PYGL: variants seen among roughly 807,000 people sequenced by gnomAD.
The protein encoded by PYGL is glycogen phosphorylase, liver form.
Under a neutral mutation model 100.1 loss-of-function variants are expected in PYGL, and 90 were observed. That is an observed-to-expected ratio of 0.90 (90% CI 0.76 to 1.07). PYGL has a LOEUF of 1.07. PYGL is among the 50% of genes least tolerant of loss of function. The pLI, the probability that PYGL is intolerant of heterozygous loss-of-function variation, is 0.00. For synonymous variants in PYGL, 373 were observed against 393.0 expected, an observed-to-expected ratio of 0.95 and a Z score of 0.60; for missense variants, 1,016 against 1,057.6, an observed-to-expected ratio of 0.96 and a Z score of 0.55.
At chr14:50,911,666 T>G in intron 16 of PYGL, 64 bp downstream of exon 16, 1 of 1,597,806 alleles carries the variant, frequency 6.3e-7, no homozygotes, top group Non-Finnish European at 8.6e-7. Context: ...CTGCCCCATC[T>G]TTCATACCAT....
rs974016307 is a variant in PYGL, at chr14:50,931,734, T to C, written c.467A>G (p.Tyr156Cys). Residue 156 changes from tyrosine to cysteine, a missense_variant, in exon 4 of 20, where the codon TAT (tyrosine) becomes TGT (cysteine). Coordinates refer to ENST00000216392, the MANE Select transcript of PYGL (RefSeq NM_002863.5). ...DSMATLGLAA[Y>C]GYGIRYEYGI... is the part of the protein sequence containing the mutation. ...ATATTCATACCGAATGCCGTATCCATAGGCTGCAAGTCCCAGGGTTGCCAT... is the reference window on the plus strand; with the variant it reads ...ATATTCATACCGAATGCCGTATCCACAGGCTGCAAGTCCCAGGGTTGCCAT... 1.2e-6 allele frequency: 2 copies of C among 1,614,008 alleles called. No homozygotes were observed. Among genetic ancestry groups the C allele is most frequent in the Non-Finnish European group, 1.7e-6 (2 of 1,179,930 alleles).
chr14:50,906,029 T>C (rs1396416338), intron 19 of PYGL, among the ~76,000 whole-genome samples: 1 of 152,236 alleles, frequency 6.6e-6, no homozygotes, highest in East Asian at 1.9e-4. Flanking sequence ...TGAGAGGCTT[T>C]ATTGACCTAC....
At chr14:50,929,871 T>C (rs972326298) in intron 4 of PYGL, among the ~76,000 whole-genome samples, 2 of 152,226 alleles carry the variant, frequency 1.3e-5, no homozygotes, top group East Asian at 3.8e-4. Flanking sequence ...CTAAAACATG[T>C]AGAAGAGTAA....
intron 4 of PYGL, among the ~76,000 whole-genome samples, chr14:50,928,294 G>A (rs2050572092): frequency 6.6e-6 from 1 of 152,284 alleles, no homozygotes; most frequent in East Asian, 1.9e-4. Flanking sequence ...CATGAACTTG[G>A]CTTTCTGATG....
chr14:50,936,592 T>C (rs1490093114), intron 2 of PYGL, among the ~76,000 whole-genome samples: 2 of 152,198 alleles, frequency 1.3e-5, no homozygotes, highest in East Asian at 3.8e-4. Context: ...GTGGATCACC[T>C]GAGGTCAGGA....
intron 11 of PYGL, 67 bp from the exon 12 acceptor site, chr14:50,914,882 A>G: frequency 8.2e-7 from 1 of 1,218,022 alleles, no homozygotes; most frequent in South Asian, 1.2e-5. Flanking sequence ...CACTGGACAA[A>G]GTTCGGAGTT....
intron 15 of PYGL, 49 bp downstream of exon 15, chr14:50,911,929 T>C (rs1395813327): frequency 1.2e-6 from 2 of 1,613,300 alleles, no homozygotes; most frequent in African/African-American, 1.3e-5. Flanking sequence ...AGTAGAAGAA[T>C]GGCAAGAGAT....
At chr14:50,907,322 C>T (rs2050345538) in intron 19 of PYGL, among the ~76,000 whole-genome samples, 1 of 152,044 alleles carries the variant, frequency 6.6e-6, no homozygotes, top group African/African-American at 2.4e-5. Flanking sequence ...ATGAGAAGTC[C>T]AGAAGAGGTA....
intron 4 of PYGL, among the ~76,000 whole-genome samples, chr14:50,929,537 G>A (rs1399312753): frequency 6.6e-6 from 1 of 152,072 alleles, no homozygotes; most frequent in African/African-American, 2.4e-5. Flanking sequence ...AACGTAAGGG[G>A]AAAATATACC....
intron 2 of PYGL, 68 bp downstream of exon 2, chr14:50,937,668 C>T (rs2050666101): frequency 1.4e-6 from 2 of 1,443,068 alleles, no homozygotes; most frequent in South Asian, 1.1e-5. Context: ...TGTGCAATGT[C>T]CCCAAGTTTC....
intron 9 of PYGL, among the ~76,000 whole-genome samples, 177 bp downstream of exon 9, chr14:50,916,465 T>A (rs1483639034): frequency 1.3e-5 from 2 of 152,196 alleles, no homozygotes; most frequent in East Asian, 3.8e-4. Context: ...TTTTATAGTC[T>A]TACTCCCTAT....
In PYGL at chr14:50,914,834, C is replaced by A. The variant is rs1184798023; in HGVS notation, c.1404-19G>T. 5.7e-6 allele frequency: 9 copies of A among 1,586,520 alleles called. No homozygotes were observed. Among genetic ancestry groups the A allele is most frequent in the Non-Finnish European group, 6.1e-6 (7 of 1,155,558 alleles). On this transcript the variant is annotated intron_variant, in intron 11 of 19. Coordinates refer to ENST00000216392, the MANE Select transcript of PYGL (RefSeq NM_002863.5). ...CTTGAATCTGGAGATGGAGGAGACA[C>A]ATCACTGAATTTGGCTGAAACGGCA...
chr14:50,940,926 T>C (rs1317293167), intron 1 of PYGL, among the ~76,000 whole-genome samples: 2 of 152,104 alleles, frequency 1.3e-5, no homozygotes, highest in Non-Finnish European at 2.9e-5. Context: ...GAGTTGAGCA[T>C]AGAAATGTGG....
Position 50,916,699 on chromosome 14 carries a change from G to C in PYGL, c.1035C>G (p.Leu345=), listed in dbSNP as rs139544303. 1 of 1,614,152 alleles carries C rather than the reference G, an allele frequency of 6.2e-7. No individual in the cohort carries two copies. The highest frequency in any genetic ancestry group is 8.5e-7 in the Non-Finnish European group (1 of 1,179,996). Residue 345 remains leucine (L), a synonymous_variant, in exon 9 of 20, where the codon CTC becomes CTG. Transcript: ENST00000216392. ...AAATCCTCATCAGCTCAGGGATCGC[G>C]AGTGCAGGGTGAGTGTCATTCAGCT... ...AIQLNDTHPA[L]AIPELMRIFV... is the part of the protein sequence containing the mutation.
At position 50,939,803 on chromosome 14, in the gene PYGL, G is replaced by A. The variant is rs184534065; in HGVS notation, c.244-1966C>T. Among the ~76,000 whole-genome samples the A allele has an allele frequency of 4.6e-5, 7 of 152,196 alleles. No homozygotes were observed. The South Asian group carries it at 6.2e-4, about 14-fold the overall frequency. ...TTTGGCCAATCAAAAAAAATTGTGA[G>A]TAGAATTCAGTATAATAAAGGCGTA... is the stretch of plus-strand genomic sequence containing the variant. On this transcript the variant is annotated intron_variant, in intron 1 of 19. Coordinates refer to ENST00000216392, the MANE Select transcript of PYGL (RefSeq NM_002863.5).
rs763070081 is a variant in PYGL at position 50,911,839 on chromosome 14, G to C, written c.1860C>G (p.Ile620Met). ...CTGCCACTGAAGTGATCAGCTTTAT[G>C]ATCATTTTGGCCATGTGATATCCTG... is the stretch of plus-strand genomic sequence containing the variant. ...AAPGYHMAKM[I>M]IKLITSVADV... Residue 620 changes from isoleucine (I) to methionine (M), a missense_variant, in exon 16 of 20, where the codon ATC (isoleucine) becomes ATG (methionine). Transcript: ENST00000216392. 19 of 1,612,532 alleles carry C rather than the reference G, an allele frequency of 1.2e-5. No homozygotes were observed. In the Admixed American group the frequency reaches 1.5e-4, roughly 13 times the overall value.
intron 1 of PYGL, 107 bp downstream of exon 1, chr14:50,944,054 G>A (rs539272963): frequency 8.6e-6 from 12 of 1,390,198 alleles, no homozygotes; most frequent in Admixed American, 2.0e-5. Flanking sequence ...GGCAAGGACC[G>A]GGTGCAAGGG....
intron 16 of PYGL, among the ~76,000 whole-genome samples, chr14:50,911,044 A>C (rs755327816): frequency 3.3e-5 from 5 of 152,224 alleles, no homozygotes; most frequent in Non-Finnish European, 5.9e-5. Context: ...AGAGGACCTA[A>C]AAACACCACA....
Position 50,917,011 on chromosome 14 carries a change from A to T in PYGL, c.950T>A (p.Phe317Tyr), listed in dbSNP as rs1345725169. The T allele has an allele frequency of 6.2e-7, 1 of 1,614,080 alleles. No individual in the cohort carries two copies. Among genetic ancestry groups the T allele is most frequent in the African/African-American group, 1.3e-5 (1 of 74,946 alleles). Residue 317 changes from phenylalanine to tyrosine, a missense_variant, in exon 8 of 20, where the codon TTT (phenylalanine) becomes TAT (tyrosine). Coordinates refer to ENST00000216392, the MANE Select transcript of PYGL (RefSeq NM_002863.5). ...DIIRRFKASKFGSTRGAGTVF... is the reference protein window; with the variant it reads ...DIIRRFKASKYGSTRGAGTVF... The stretch of plus-strand genomic sequence containing the variant: ...AGTTCCTGCACCACGGGTGGAGCCA[A>T]ACTTGGAGGCTTTGAAACGGCGGAT...
Sources: allele counts gnomAD v4.1 joint callset (sites outside exome capture counted in the v4.1 genomes callset), GRCh38; gene constraint gnomAD v4.1.1; transcripts MANE v1.5; gene names NCBI Gene and HGNC (gene_info 2026-07-23, HGNC 2026-07-21).